ZNF585A: variants seen among roughly 807,000 people sequenced by gnomAD.
ZNF585A encodes zinc finger protein 585A.
Under a neutral mutation model 14.9 loss-of-function variants are expected in ZNF585A, and 9 were observed. The ratio of observed to expected loss-of-function variants is 0.60; its 90% CI spans 0.36 to 1.05. ZNF585A has a LOEUF of 1.05. Ranked by LOEUF, ZNF585A falls within the 50% of genes least tolerant of loss-of-function variation. The pLI, the probability that ZNF585A is intolerant of heterozygous loss-of-function variation, is 0.01. For synonymous variants in ZNF585A, 276 were observed against 319.9 expected (o/e 0.86, Z 1.46); for missense variants, 726 against 926.4 (o/e 0.78, Z 2.81).
At chr19:37,156,495 T>A in intron 2 of ZNF585A, 140 bp from the exon 3 acceptor site, 2 of 1,186,584 alleles carry the variant, frequency 1.7e-6, no homozygotes, top group Non-Finnish European at 2.3e-6. Flanking sequence ...TCTCTAATAC[T>A]TTATTATGAA....
intron 2 of ZNF585A, among the ~76,000 whole-genome samples, chr19:37,163,285 G>A (rs1483374722): frequency 6.6e-6 from 1 of 151,678 alleles, no homozygotes; most frequent in Non-Finnish European, 1.5e-5. Context: ...AGGAGATTAA[G>A]AAGAATACAC....
rs184606156 is a variant in ZNF585A, at chr19:37,156,502, T to C, written c.73-147A>G. On this transcript the variant is annotated intron_variant, in intron 2 of 4. Coordinates refer to ENST00000292841, the MANE Select transcript of ZNF585A (RefSeq NM_001288800.2). Reference sequence around the variant, plus strand: ...CTCCCATTTCTCTAATACTTTATTATGAAAATTTTCAAACATACCGACAAT... The same window carrying C: ...CTCCCATTTCTCTAATACTTTATTACGAAAATTTTCAAACATACCGACAAT... The C allele has an allele frequency of 4.5e-4, 521 of 1,158,858 alleles. 4 individuals carry two copies. In the African/African-American group the frequency reaches 7.3e-3, roughly 16 times the overall value. The allele number at this position is 1,158,858 out of a possible 1,614,324, so 71.8% of individuals were successfully genotyped here.
At chr19:37,160,277 G>A (rs1971993281) in intron 2 of ZNF585A, among the ~76,000 whole-genome samples, 1 of 151,674 alleles carries the variant, frequency 6.6e-6, no homozygotes, top group Admixed American at 6.6e-5. Flanking sequence ...GGAAGGCAGA[G>A]GATGTAGTGA....
chr19:37,146,045 A>T lies in ZNF585A; in HGVS notation c.*5544T>A, dbSNP rs1024003707. 6.6e-6 allele frequency: 1 copy of T among 152,146 alleles called. No homozygotes were observed. Among genetic ancestry groups the T allele is most frequent in the African/African-American group, 2.4e-5 (1 of 41,426 alleles). The allele number at this position is 152,146 out of a possible 1,614,324, so 9.4% of individuals were successfully genotyped here. A position where few individuals can be genotyped will look rare whatever the true frequency, so the allele number is the denominator to read the frequency against. On this transcript the variant is annotated 3_prime_UTR_variant, in exon 5 of 5. Coordinates refer to ENST00000292841, the MANE Select transcript of ZNF585A (RefSeq NM_001288800.2). ...GTGTACGGTATGGTACGGTATGAGG[A>T]ATGTGGAGTAGAGTGTGGTGGGGAG... is the stretch of plus-strand genomic sequence containing the variant.
intron 2 of ZNF585A, among the ~76,000 whole-genome samples, chr19:37,162,107 T>A (rs1245147134): frequency 6.6e-6 from 1 of 152,106 alleles, no homozygotes; most frequent in Non-Finnish European, 1.5e-5. Context: ...TATTTTTAGT[T>A]GAGATGGGGT....
At chr19:37,168,062 T>G (rs909062061) in intron 2 of ZNF585A, among the ~76,000 whole-genome samples, 2 of 152,254 alleles carry the variant, frequency 1.3e-5, no homozygotes, top group Admixed American at 1.3e-4. Context: ...CTGTTCATTT[T>G]TACTTAATAT....
chr19:37,152,807 G>A lies in ZNF585A; in HGVS notation c.1092C>T (p.Thr364=), dbSNP rs759184075. 19 of 1,613,894 alleles carry A rather than the reference G, an allele frequency of 1.2e-5. No homozygotes were observed. The highest frequency in any genetic ancestry group is 6.7e-5 in the East Asian group (3 of 44,886). Residue 364 remains threonine (T), a synonymous_variant, in exon 5 of 5, where the codon ACC becomes ACT. Transcript: ENST00000292841. ...SICTECGKAF[T]YRSELIIHQR... ...GATGAATAATCAACTCTGACCTGTAGGTAAAGGCCTTCCCACACTCAGTAC... is the reference window on the plus strand; with the variant it reads ...GATGAATAATCAACTCTGACCTGTAAGTAAAGGCCTTCCCACACTCAGTAC...
chr19:37,170,254 G>A (rs1972160505), intron 1 of ZNF585A, among the ~76,000 whole-genome samples, 200 bp from the exon 2 acceptor site: 1 of 152,164 alleles, frequency 6.6e-6, no homozygotes, highest in Non-Finnish European at 1.5e-5. Flanking sequence ...TGATTCAGTA[G>A]GTCTAAAGTA....
chr19:37,152,330 T>C lies in ZNF585A; in HGVS notation c.1569A>G (p.Glu523=). Residue 523 remains glutamate, a synonymous_variant, in exon 5 of 5, where the codon GAA becomes GAG. Coordinates refer to ENST00000292841, the MANE Select transcript of ZNF585A (RefSeq NM_001288800.2). The part of the protein sequence containing the change: ...QRIHTGEKPY[E]CNTCGKAFTQ... ...TGAAGGCTTTTCCACAAGTATTGCA[T>C]TCATAAGGCTTCTCCCCAGTATGGA... 6.2e-7 allele frequency: 1 copy of C among 1,614,110 alleles called. No homozygotes were observed. Among genetic ancestry groups the C allele is most frequent in the Non-Finnish European group, 8.5e-7 (1 of 1,180,028 alleles).
chr19:37,156,064 A>G (rs914117353), intron 3 of ZNF585A, 107 bp from the exon 4 acceptor site: 1 of 1,566,156 alleles, frequency 6.4e-7, no homozygotes, highest in Admixed American at 1.9e-5. Context: ...AAAAGTAACC[A>G]TAACTTTTCA....
At position 37,153,316 on chromosome 19, in the gene ZNF585A, A is replaced by C; in HGVS notation, c.583T>G (p.Phe195Val). Reference protein sequence around the residue: ...PFKCNECGKSFFQVSSLFRHQ... With the variant: ...PFKCNECGKSVFQVSSLFRHQ... ...CTGAAGAGGGACGACACTTGAAAAA[A>C]GGATTTTCCACATTCATTGCATTTA... The change falls in exon 5 of 5, where the codon TTT becomes GTT. Residue 195 changes from phenylalanine to valine, a missense_variant. By Grantham distance (50) the Phe-to-Val change is conservative (BLOSUM62 -1). Around this residue, in one of 2 missense-constraint regions of ZNF585A, gnomAD observed 483 missense variants for 542.8 expected, o/e 0.89. Transcript: ENST00000292841. 6.2e-7 allele frequency: 1 copy of C among 1,614,190 alleles called. No homozygotes were observed. Among genetic ancestry groups the C allele is most frequent in the Non-Finnish European group, 8.5e-7 (1 of 1,180,030 alleles).
intron 2 of ZNF585A, among the ~76,000 whole-genome samples, chr19:37,156,947 C>A (rs1224481233): frequency 6.6e-6 from 1 of 152,214 alleles, no homozygotes; most frequent in African/African-American, 2.4e-5. Context: ...CCGCTTTGGC[C>A]TCCCAAAGTG....
At position 37,153,013 on chromosome 19, in the gene ZNF585A, T is replaced by A. The variant is rs773599256; in HGVS notation, c.886A>T (p.Lys296Ter). Residue 296 changes from lysine (K) to a stop codon, truncating the protein, a stop_gained, in exon 5 of 5, where the codon AAA becomes TAA. Coordinates refer to ENST00000292841, the MANE Select transcript of ZNF585A (RefSeq NM_001288800.2). LOFTEE classifies it low-confidence loss of function (END_TRUNC). ...IAHRRIHTGE[K>*]PYECSNCGKS... is the part of the protein sequence containing the mutation. ...CCACAGTTACTGCACTCATATGGTT[T>A]TTCTCCAGTATGAATTCTTCGGTGT... is the stretch of plus-strand genomic sequence containing the variant. The A allele has an allele frequency of 6.2e-7, 1 of 1,614,206 alleles. No homozygotes were observed. The highest frequency in any genetic ancestry group is 1.1e-5 in the South Asian group (1 of 91,080).
At chr19:37,160,136 C>A (rs1358126879) in intron 2 of ZNF585A, among the ~76,000 whole-genome samples, 1 of 151,962 alleles carries the variant, frequency 6.6e-6, no homozygotes, top group East Asian at 1.9e-4. Context: ...AGTTCGAGAT[C>A]AGCCTGGGAA....
intron 1 of ZNF585A, 183 bp downstream of exon 1, chr19:37,172,443 CA>C (rs2145421410): frequency 6.6e-6 from 1 of 152,372 alleles, no homozygotes; most frequent in East Asian, 1.9e-4. Context: ...CACTGACCCC[CA>C]AACCTCAATC....
Position 37,151,594 on chromosome 19 carries a change from C to T in ZNF585A, c.2305G>A (p.Ala769Thr), listed in dbSNP as rs538041704. ...GTTTTCTCACACTGTTTCTCTCAAG[C>T]GTGGCTGCTCTGATGGACGCTGAAC... ...SVFSVHQSSH[A>T] Residue 769 changes from alanine (A) to threonine (T), a missense_variant, in exon 5 of 5, where the codon GCT becomes ACT. By Grantham distance (58) the Ala-to-Thr change is moderately conservative (BLOSUM62 0). Coordinates refer to ENST00000292841, the MANE Select transcript of ZNF585A (RefSeq NM_001288800.2). 1.3e-5 allele frequency: 21 copies of T among 1,610,756 alleles called. No homozygotes were observed. Among genetic ancestry groups the T allele is most frequent in the South Asian group, 5.5e-5 (5 of 90,656 alleles).
intron 2 of ZNF585A, among the ~76,000 whole-genome samples, chr19:37,164,029 A>G (rs1424597142): frequency 6.6e-6 from 1 of 152,184 alleles, no homozygotes; most frequent in Non-Finnish European, 1.5e-5. Flanking sequence ...GCAGGGGAAA[A>G]AATATTAAAC....
rs1568492086 is a variant in ZNF585A at position 37,151,172 on chromosome 19, G to C, written c.*417C>G. On this transcript the variant is annotated 3_prime_UTR_variant, in exon 5 of 5. Transcript: ENST00000292841. The stretch of plus-strand genomic sequence containing the variant: ...CACAACGAACAACTCACATAACTTA[G>C]GATTCATCACTATCAAAATAACTAC... 1 of 404,052 alleles carries C rather than the reference G, an allele frequency of 2.5e-6. No homozygotes were observed. 25.0% of individuals were successfully genotyped at this position (404,052 alleles called of 1,614,324 possible). A position where few individuals can be genotyped will look rare whatever the true frequency, so the allele number is the denominator to read the frequency against.
chr19:37,165,183 C>T (rs1426544214), intron 2 of ZNF585A, among the ~76,000 whole-genome samples: 1 of 151,934 alleles, frequency 6.6e-6, no homozygotes, highest in African/African-American at 2.4e-5. Context: ...CATGGTGAAA[C>T]CCCGTGTCTA....
Sources: gnomAD v4.1 joint callset for allele counts (sites outside exome capture counted in the v4.1 genomes callset) on GRCh38, gnomAD v4.1.1 for gene constraint, gnomAD v4.1.1 regional missense constraint, MANE v1.5 for transcripts, NCBI Gene and HGNC (gene_info 2026-07-23, HGNC 2026-07-21) for gene names.